The following LARGE1 variants were observed in gnomAD, a reference collection of about 807,000 sequenced individuals.
The protein encoded by LARGE1 is LARGE xylosyl- and glucuronyltransferase 1, also known as xylosyl- and glucuronyltransferase LARGE1.
LARGE1 carries 43 observed loss-of-function variants against 87.6 expected under a neutral mutation model. The ratio of observed to expected loss-of-function variants is 0.49; its 90% CI spans 0.38 to 0.63. The LOEUF is 0.63. LARGE1 is among the 30% of genes least tolerant of loss of function. The pLI is 0.00. For synonymous variants in LARGE1, 434 were observed against 394.6 expected, an observed-to-expected ratio of 1.10 and a Z score of -1.18; for missense variants, 802 against 1,000.2, an observed-to-expected ratio of 0.80 and a Z score of 2.67.
intron 4 of LARGE1, among the ~76,000 whole-genome samples, chr22:33,623,296 C>G (rs1048339663): frequency 1.3e-5 from 2 of 152,102 alleles, no homozygotes; most frequent in Non-Finnish European, 2.9e-5. Context: ...TGAAAGGAGC[C>G]TTCAAAACTG....
chr22:33,827,437 A>C (rs1190433608), intron 1 of LARGE1, among the ~76,000 whole-genome samples: 1 of 152,196 alleles, frequency 6.6e-6, no homozygotes, highest in Non-Finnish European at 1.5e-5. Flanking sequence ...CCGCCAAAAA[A>C]ATACACATAA....
intron 6 of LARGE1, among the ~76,000 whole-genome samples, chr22:33,554,565 C>CATTA (rs1728289008): frequency 6.6e-6 from 1 of 152,172 alleles, no homozygotes; most frequent in South Asian, 2.1e-4. Context: ...CCATTCATCT[C>CATTA]TAATCTGCAT....
At chr22:33,179,649 A>C (rs1402797390) in intron 11 of LARGE1, among the ~76,000 whole-genome samples, 1 of 152,096 alleles carries the variant, frequency 6.6e-6, no homozygotes, top group Admixed American at 6.6e-5. Context: ...TGTATATCCC[A>C]ACAATTTGTT....
intron 5 of LARGE1, among the ~76,000 whole-genome samples, chr22:33,588,014 G>T (rs998713762): frequency 6.6e-6 from 1 of 151,994 alleles, no homozygotes; most frequent in Non-Finnish European, 1.5e-5. Flanking sequence ...TTAAGTTATC[G>T]GCCTTCTCTT....
intron 2 of LARGE1, among the ~76,000 whole-genome samples, chr22:33,742,539 G>A (rs1302269172): frequency 1.3e-5 from 2 of 152,158 alleles, no homozygotes; most frequent in African/African-American, 4.8e-5. Flanking sequence ...AGAAAGGTCA[G>A]GGGACCCCTC....
rs1934563241 is a variant in LARGE1, at chr22:33,304,257, G to C, written c.1702C>G (p.Pro568Ala). ...AGGTACTCATAGAGCCCATACATGG[G>C]CAGGAAGTCAATGTCAGACAGGAAC... ...YMFLSDIDFL[P>A]MYGLYEYLRK... Residue 568 changes from proline (P) to alanine (A), a missense_variant, in exon 12 of 15, where the codon CCC (proline) becomes GCC (alanine). By Grantham distance (27) the Pro-to-Ala change is conservative. Transcript: ENST00000397394. 6.2e-7 allele frequency: 1 copy of C among 1,614,150 alleles called. No homozygotes were observed.
chr22:33,760,004 G>A (rs1237964219), intron 2 of LARGE1, among the ~76,000 whole-genome samples: 1 of 152,206 alleles, frequency 6.6e-6, no homozygotes, highest in Admixed American at 6.5e-5. Flanking sequence ...CAGGCACACA[G>A]TTTCACCTTG....
At chr22:33,758,908 G>A (rs1401905280) in intron 2 of LARGE1, among the ~76,000 whole-genome samples, 1 of 152,142 alleles carries the variant, frequency 6.6e-6, no homozygotes, top group East Asian at 1.9e-4. Context: ...TAACAAAAAA[G>A]TACCAGCCTC....
intron 6 of LARGE1, among the ~76,000 whole-genome samples, chr22:33,454,740 C>T (rs889942601): frequency 1.3e-5 from 2 of 151,948 alleles, no homozygotes; most frequent in African/African-American, 4.8e-5. Context: ...ACAGTCATGG[C>T]GGAAGGCAAA....
At chr22:33,186,533 T>G (rs1923485423) in intron 11 of LARGE1, among the ~76,000 whole-genome samples, 1 of 152,176 alleles carries the variant, frequency 6.6e-6, no homozygotes, top group South Asian at 2.1e-4. Flanking sequence ...ATCTTTGAGC[T>G]AACATAATTC....
intron 7 of LARGE1, among the ~76,000 whole-genome samples, chr22:33,385,741 A>G (rs2065301547): frequency 6.8e-6 from 1 of 148,012 alleles, no homozygotes; most frequent in Admixed American, 6.7e-5. Flanking sequence ...CCTGCAGGCC[A>G]CTGCAGTCAA....
chr22:33,270,927 G>C (rs965825098), downstream of LARGE1, among the ~76,000 whole-genome samples: 1 of 152,200 alleles, frequency 6.6e-6, no homozygotes, highest in Admixed American at 6.5e-5. Context: ...GTACAAGGGA[G>C]AGCTTAAAAC....
chr22:33,295,552 G>A (rs558407164), intron 12 of LARGE1, among the ~76,000 whole-genome samples: 44 of 152,340 alleles, frequency 2.9e-4, no homozygotes, highest in Non-Finnish European at 1.0e-4. Flanking sequence ...CAATACGTGG[G>A]CAGAGAGGAA....
rs567385932 is a variant in LARGE1, at chr22:33,397,038, A to G, written c.893-12734T>C. Among the ~76,000 whole-genome samples, 6 of 152,340 alleles carry G rather than the reference A, an allele frequency of 3.9e-5. No homozygotes were observed. The South Asian group carries it at 1.2e-3, about 32-fold the overall frequency. On this transcript the variant is annotated intron_variant, in intron 7 of 14. Transcript: ENST00000397394. ...GAATTGAATAACTAGAACCCAGACC[A>G]AGAAACAGAATATCACTAAACCAGA...
At chr22:33,400,063 A>G (rs975986058) in intron 7 of LARGE1, among the ~76,000 whole-genome samples, 2 of 152,248 alleles carry the variant, frequency 1.3e-5, no homozygotes, top group African/African-American at 4.8e-5. Context: ...TCTCGCTCAG[A>G]AATCCATGAA....
intron 13 of LARGE1, among the ~76,000 whole-genome samples, chr22:33,281,734 G>A (rs117555418): frequency 0.017 from 2,583 of 152,278 alleles, 35 homozygotes; most frequent in Non-Finnish European, 0.029. Context: ...CTGGATAGAG[G>A]AAGAAGCCTG....
At chr22:33,095,577 C>A in the LARGE1 span, among the ~76,000 whole-genome samples, 4 of 152,184 alleles carry the variant, frequency 2.6e-5, no homozygotes, top group African/African-American at 9.7e-5. Context: ...CATAATTCAA[C>A]CCACAGCACT....
At chr22:33,384,114 G>C (rs1601652754) in intron 8 of LARGE1, 78 bp downstream of exon 8, 11 of 1,001,390 alleles carry the variant, frequency 1.1e-5, no homozygotes, top group Admixed American at 1.7e-5. Context: ...CATTCAGATC[G>C]ATTTAATTTT....
chr22:33,401,770 CT>C (rs1006035653), intron 7 of LARGE1, among the ~76,000 whole-genome samples: 5 of 152,158 alleles, frequency 3.3e-5, no homozygotes, highest in Admixed American at 1.3e-4. Flanking sequence ...TTGTCAATAC[CT>C]TGGTCCCAGA....
Sources: gnomAD v4.1 joint callset for allele counts (sites outside exome capture counted in the v4.1 genomes callset) on GRCh38, gnomAD v4.1.1 for gene constraint, MANE v1.5 for transcripts, NCBI Gene and HGNC (gene_info 2026-07-23, HGNC 2026-07-21) for gene names.